NRXN3: variants seen among roughly 807,000 people sequenced by gnomAD.
The protein encoded by NRXN3 is neurexin 3.
In NRXN3, 32 loss-of-function variants were observed where a neutral mutation model predicts 137.6. The ratio of observed to expected loss-of-function variants is 0.23; its 90% confidence interval spans 0.18 to 0.31. The LOEUF is 0.31. Among genes scored for constraint, NRXN3 ranks in the 10% least tolerant of loss-of-function variants. NRXN3 has a pLI of 1.00. For synonymous variants in NRXN3, 798 were observed against 784.5 expected, an observed-to-expected ratio of 1.02 and a Z score of -0.29; for missense variants, 1,574 against 2,062.5, an observed-to-expected ratio of 0.76 and a Z score of 4.59.
chr14:78,278,804 G>C, intron 3 of NRXN3, 142 bp downstream of exon 3: 1 of 697,088 alleles, frequency 1.4e-6, no homozygotes, highest in Non-Finnish European at 2.5e-6. Context: ...AAGAAGAAAT[G>C]CATTGAATTA....
At chr14:79,749,406 T>C (rs900220738) in intron 19 of NRXN3, among the ~76,000 whole-genome samples, 1 of 150,196 alleles carries the variant, frequency 6.7e-6, no homozygotes, top group South Asian at 2.1e-4. Flanking sequence ...GTATCCACAT[T>C]GCTGTTTTCT....
intron 20 of NRXN3, among the ~76,000 whole-genome samples, chr14:79,846,888 G>C (rs550301665): frequency 6.6e-6 from 1 of 152,258 alleles, no homozygotes; most frequent in South Asian, 2.1e-4. Context: ...AATATAATTA[G>C]TTGCTTATAT....
At chr14:79,218,354 G>A (rs1221024521) in intron 15 of NRXN3, among the ~76,000 whole-genome samples, 5 of 152,120 alleles carry the variant, frequency 3.3e-5, no homozygotes, top group Non-Finnish European at 7.4e-5. Context: ...AAAACTGGGA[G>A]AAAATAGAAT....
chr14:79,713,215 C>T (rs2098811220), intron 19 of NRXN3, among the ~76,000 whole-genome samples: 1 of 118,268 alleles, frequency 8.5e-6, no homozygotes, highest in Admixed American at 1.1e-4. Flanking sequence ...ATATCCTTAT[C>T]AGTGGACCTC....
At chr14:78,804,672 A>T (rs1166318936) in intron 9 of NRXN3, among the ~76,000 whole-genome samples, 2 of 152,014 alleles carry the variant, frequency 1.3e-5, no homozygotes, top group East Asian at 3.9e-4. Flanking sequence ...ATCTTTAGAA[A>T]TTTTCCTTTA....
chr14:79,502,992 C>CCAAGTGA (rs1466320471), intron 16 of NRXN3, among the ~76,000 whole-genome samples: 5 of 152,036 alleles, frequency 3.3e-5, no homozygotes, highest in Non-Finnish European at 7.4e-5. Context: ...GCCTGCCCAG[C>CCAAGTGA]CAAGTGACGT....
At chr14:79,786,421 G>A (rs1342184987) in intron 19 of NRXN3, among the ~76,000 whole-genome samples, 1 of 152,208 alleles carries the variant, frequency 6.6e-6, no homozygotes, top group Non-Finnish European at 1.5e-5. Flanking sequence ...GGACCTATGT[G>A]TGCCGAGCAA....
At chr14:78,629,097 C>T (rs1566928630) in intron 4 of NRXN3, among the ~76,000 whole-genome samples, 2 of 152,162 alleles carry the variant, frequency 1.3e-5, no homozygotes, top group Admixed American at 6.5e-5. Flanking sequence ...ACACAATAAG[C>T]TTCAAAAATG....
intron 16 of NRXN3, among the ~76,000 whole-genome samples, chr14:79,659,903 T>C (rs995920072): frequency 6.6e-6 from 1 of 152,210 alleles, no homozygotes; most frequent in Admixed American, 6.5e-5. Context: ...TGATGGGTGG[T>C]TCCTTCTCCT....
chr14:79,188,214 T>C lies in NRXN3; in HGVS notation c.3262+200073T>C, dbSNP rs536398511. Among the ~76,000 whole-genome samples the C allele has an allele frequency of 2.2e-4, 33 of 152,264 alleles. 1 individual carries two copies. In the South Asian group the frequency reaches 5.2e-3, roughly 24 times the overall value. On this transcript the variant is annotated intron_variant, in intron 15 of 20. Transcript: ENST00000335750. Reference sequence around the variant, plus strand: ...TGGCTGATAAATTGAGAGGAAACCTTTATTGCAATTTGGTGGTGATAGTGG... The same window carrying C: ...TGGCTGATAAATTGAGAGGAAACCTCTATTGCAATTTGGTGGTGATAGTGG...
chr14:78,947,694 G>T (rs1238912148), intron 10 of NRXN3, among the ~76,000 whole-genome samples: 1 of 152,194 alleles, frequency 6.6e-6, no homozygotes, highest in African/African-American at 2.4e-5. Context: ...CACAACCCCA[G>T]GAGTCTGGTC....
At chr14:79,776,347 C>A (rs1045037451) in intron 19 of NRXN3, among the ~76,000 whole-genome samples, 1 of 152,118 alleles carries the variant, frequency 6.6e-6, no homozygotes, top group Non-Finnish European at 1.5e-5. Flanking sequence ...TAAATATTGA[C>A]CAAATTGAGG....
chr14:78,516,180 C>T (rs757001504), intron 4 of NRXN3, among the ~76,000 whole-genome samples: 5 of 151,702 alleles, frequency 3.3e-5, no homozygotes, highest in Non-Finnish European at 7.4e-5. Flanking sequence ...AGTGAGAAGG[C>T]CAATATAGAG....
intron 19 of NRXN3, among the ~76,000 whole-genome samples, chr14:79,763,701 A>G (rs2099046705): frequency 6.6e-6 from 1 of 151,574 alleles, no homozygotes; most frequent in Non-Finnish European, 1.5e-5. Flanking sequence ...ATGTCCTTAC[A>G]TGGTGGAAAG....
chr14:78,660,918 G>A (rs1407478445), intron 6 of NRXN3, among the ~76,000 whole-genome samples: 3 of 152,176 alleles, frequency 2.0e-5, no homozygotes, highest in Admixed American at 6.5e-5. Context: ...AGTAGGAAAT[G>A]TAATACTGGA....
rs5809879 is a variant in NRXN3 at position 78,370,312 on chromosome 14, C to CT, written c.757+72467dup. On this transcript the variant is annotated intron_variant, in intron 4 of 20. Coordinates refer to ENST00000335750, the MANE Select transcript of NRXN3 (RefSeq NM_001330195.2). ...AGAATTTCCCAATTTTACTGAGACA[C>CT]TTTTTTTTTTTTTTTGAGTGCTGCA... is the stretch of plus-strand genomic sequence containing the variant. Among the ~76,000 whole-genome samples the CT allele has an allele frequency of 4.1e-5, 6 of 144,806 alleles. No homozygotes were observed. The South Asian group carries it at 1.1e-3, about 27-fold the overall frequency. The allele number at this position is 144,806 out of a possible 152,430, so 95.0% of individuals were successfully genotyped here.
intron 4 of NRXN3, among the ~76,000 whole-genome samples, chr14:78,476,597 C>T (rs2095383247): frequency 6.6e-6 from 1 of 152,114 alleles, no homozygotes; most frequent in Non-Finnish European, 1.5e-5. Flanking sequence ...ACAAAACTAT[C>T]TTTCTTTCCA....
At chr14:79,758,187 A>T (rs1181631790) in intron 19 of NRXN3, among the ~76,000 whole-genome samples, 1 of 152,026 alleles carries the variant, frequency 6.6e-6, no homozygotes, top group Non-Finnish European at 1.5e-5. Flanking sequence ...TATTCCCTTT[A>T]TATGTATTTT....
At chr14:79,189,285 G>A (rs536593988) in intron 15 of NRXN3, among the ~76,000 whole-genome samples, 217 of 150,696 alleles carry the variant, frequency 1.4e-3, no homozygotes, top group African/African-American at 5.0e-3. Flanking sequence ...ACTATCACAA[G>A]AACAAAAAAC....
Sources: gnomAD v4.1 joint callset for allele counts (sites outside exome capture counted in the v4.1 genomes callset) on GRCh38, gnomAD v4.1.1 for gene constraint, MANE v1.5 for transcripts, NCBI Gene and HGNC (gene_info 2026-07-23, HGNC 2026-07-21) for gene names.